Variants in EIPR1 observed in about 807,000 individuals in gnomAD.
The protein encoded by EIPR1 is EARP complex and GARP complex interacting protein 1.
In EIPR1, 25 loss-of-function variants were observed where a neutral mutation model predicts 48.1. The ratio of observed to expected loss-of-function variants is 0.52; its 90% CI spans 0.38 to 0.73. EIPR1 has a LOEUF of 0.73. Among genes scored for constraint, EIPR1 ranks in the 30% least tolerant of loss-of-function variants. The pLI, the probability that EIPR1 is intolerant of heterozygous loss-of-function variation, is 0.00. For missense variants in EIPR1, 415 were observed against 506.2 expected, an observed-to-expected ratio of 0.82 and a Z score of 1.73; for synonymous variants, 204 against 201.9, an observed-to-expected ratio of 1.01 and a Z score of -0.09.
rs962609957 is a variant in EIPR1, at chr2:3,372,784, C to T, written c.42+4864G>A. On this transcript the variant is annotated intron_variant, in intron 1 of 8. Coordinates refer to ENST00000382125, the MANE Select transcript of EIPR1 (RefSeq NM_003310.5). ...GTCCAGGACCAGATGGATTCACAGCCGAATTCTACCAGAGGTATAAGGAGG... is the reference window on the plus strand; with the variant it reads ...GTCCAGGACCAGATGGATTCACAGCTGAATTCTACCAGAGGTATAAGGAGG... Among the ~76,000 whole-genome samples, 112 of 152,246 alleles carry T rather than the reference C, an allele frequency of 7.4e-4. 1 individual carries two copies. Among genetic ancestry groups the T allele is most frequent in the African/African-American group, 2.3e-3 (97 of 41,532 alleles).
intron 1 of EIPR1, among the ~76,000 whole-genome samples, chr2:3,361,720 G>A (rs201403599): frequency 3.3e-5 from 5 of 150,084 alleles, no homozygotes; most frequent in African/African-American, 7.3e-5. Flanking sequence ...TCCCTCACAC[G>A]GGCACCTCCA....
At chr2:3,212,520 T>C (rs1243559526) in intron 5 of EIPR1, among the ~76,000 whole-genome samples, 1 of 152,198 alleles carries the variant, frequency 6.6e-6, no homozygotes, top group Non-Finnish European at 1.5e-5. Context: ...AAGCCTACCG[T>C]GAGCCTGGCA....
intron 3 of EIPR1, among the ~76,000 whole-genome samples, chr2:3,314,116 C>T (rs1007227457): frequency 1.3e-5 from 2 of 152,212 alleles, no homozygotes; most frequent in African/African-American, 2.4e-5. Flanking sequence ...TGGGGCGCCG[C>T]GCTGGCAGCT....
At chr2:3,371,285 G>A (rs186763766) in intron 1 of EIPR1, among the ~76,000 whole-genome samples, 74 of 152,286 alleles carry the variant, frequency 4.9e-4, no homozygotes, top group Non-Finnish European at 8.8e-4. Flanking sequence ...GCAAACTCAT[G>A]CCAAAATGTA....
intron 1 of EIPR1, among the ~76,000 whole-genome samples, chr2:3,355,953 C>CT (rs1670715146): frequency 6.6e-6 from 1 of 152,174 alleles, no homozygotes; most frequent in Admixed American, 6.5e-5. Context: ...AACAGGGTCC[C>CT]TGGGAAGCAA....
At chr2:3,340,539 T>C (rs565045114) in intron 2 of EIPR1, among the ~76,000 whole-genome samples, 1 of 152,380 alleles carries the variant, frequency 6.6e-6, no homozygotes, top group South Asian at 2.1e-4. Context: ...CTTTTTCCTT[T>C]CCACACCCAA....
At chr2:3,280,232 C>G (rs1558269726) in intron 3 of EIPR1, among the ~76,000 whole-genome samples, 1 of 152,222 alleles carries the variant, frequency 6.6e-6, no homozygotes, top group Admixed American at 6.5e-5. Flanking sequence ...AGTCCGGAGC[C>G]TCACAGGTTG....
At chr2:3,288,394 G>T (rs746483871) in intron 3 of EIPR1, among the ~76,000 whole-genome samples, 2 of 152,226 alleles carry the variant, frequency 1.3e-5, no homozygotes, top group African/African-American at 4.8e-5. Flanking sequence ...GAACAAGGAG[G>T]TGATGTGAAA....
At position 3,193,991 on chromosome 2, in the gene EIPR1, G is replaced by A. The variant is rs1413418287; in HGVS notation, c.821+8C>T. On this transcript the variant is annotated splice_region_variant and intron_variant, in intron 7 of 8. Transcript: ENST00000382125. ...CCTCCTCCCTGAAGCAGCCAGGAGC[G>A]GCCCTACCAGTGGGAGTGCTCCTCC... The A allele has an allele frequency of 1.2e-5, 20 of 1,613,040 alleles. No homozygotes were observed. Among genetic ancestry groups the A allele is most frequent in the South Asian group, 4.4e-5 (4 of 91,070 alleles).
intron 2 of EIPR1, among the ~76,000 whole-genome samples, chr2:3,347,791 A>C (rs1334924274): frequency 6.6e-6 from 1 of 152,250 alleles, no homozygotes; most frequent in Non-Finnish European, 1.5e-5. Flanking sequence ...GTTCACACTG[A>C]AGACAGTAAG....
At position 3,225,886 on chromosome 2, in the gene EIPR1, G is replaced by A. The variant is rs539527490; in HGVS notation, c.417-11638C>T. ...TTTCAGACTCCACAGGTGAGATCGC[G>A]CAGTATTTGTCTTTCTCTGTCTCAT... On this transcript the variant is annotated intron_variant, in intron 4 of 8. Coordinates refer to ENST00000382125, the MANE Select transcript of EIPR1 (RefSeq NM_003310.5). Among the ~76,000 whole-genome samples, 56 of 152,272 alleles carry A rather than the reference G, an allele frequency of 3.7e-4. 1 individual carries two copies. Among genetic ancestry groups the A allele is most frequent in the Middle Eastern group, 3.4e-3 (1 of 294 alleles).
intron 4 of EIPR1, among the ~76,000 whole-genome samples, chr2:3,254,745 A>C (rs963153268): frequency 1.3e-5 from 2 of 152,270 alleles, no homozygotes; most frequent in Admixed American, 6.5e-5. Flanking sequence ...ATAACATAGC[A>C]CAAGGGACCC....
At chr2:3,308,491 CAG>C (rs1293853182) in intron 3 of EIPR1, among the ~76,000 whole-genome samples, 4 of 151,518 alleles carry the variant, frequency 2.6e-5, no homozygotes, top group African/African-American at 4.9e-5. Flanking sequence ...AACACCAGAC[CAG>C]AGAGAAAATA....
At chr2:3,356,883 G>C (rs554039440) in intron 1 of EIPR1, among the ~76,000 whole-genome samples, 1 of 152,324 alleles carries the variant, frequency 6.6e-6, no homozygotes, top group South Asian at 2.1e-4. Flanking sequence ...CCCCACCCAA[G>C]TAACAAAAGG....
rs535094596 is a variant in EIPR1, at chr2:3,283,566, T to G, written c.260-26111A>C. ...CCGGCACACTGGCCAAAACTCGCCA[T>G]GCCTTCCCCCAGCTGCAAAGGACGC... On this transcript the variant is annotated intron_variant, in intron 3 of 8. Transcript: ENST00000382125. Among the ~76,000 whole-genome samples, 11 of 152,310 alleles carry G rather than the reference T, an allele frequency of 7.2e-5. No individual in the cohort carries two copies. In the South Asian group the frequency reaches 2.3e-3, roughly 32 times the overall value.
In EIPR1 at chr2:3,273,530, C is replaced by CA. The variant is rs11287109; in HGVS notation, c.260-16076dup. On this transcript the variant is annotated intron_variant, in intron 3 of 8. Transcript: ENST00000382125. Reference sequence around the variant, plus strand: ...TGCATAGAAAAATGTCACACACACGCAAAAAAAAACCCACTTGTTTATCTC... The same window carrying CA: ...TGCATAGAAAAATGTCACACACACGCAAAAAAAAAACCCACTTGTTTATCTC... Among the ~76,000 whole-genome samples the CA allele has an allele frequency of 9.2e-4, 139 of 151,566 alleles. 1 individual carries two copies. The highest frequency in any genetic ancestry group is 4.6e-4 in the Non-Finnish European group (31 of 67,850).
chr2:3,363,698 T>C (rs1046599597), intron 1 of EIPR1, among the ~76,000 whole-genome samples: 1 of 147,872 alleles, frequency 6.8e-6, no homozygotes, highest in Non-Finnish European at 1.5e-5. Flanking sequence ...AACATAAATA[T>C]ATAAGAAAAG....
At chr2:3,194,409 C>T (rs1016743922) in intron 6 of EIPR1, 4 of 339,184 alleles carry the variant, frequency 1.2e-5, no homozygotes, top group East Asian at 9.5e-5. Flanking sequence ...CTGGGCGAGC[C>T]GTGGAAGGAA....
At chr2:3,269,280 TGG>T (rs1398493269) in intron 3 of EIPR1, among the ~76,000 whole-genome samples, 33,446 of 136,714 alleles carry the variant, frequency 0.24, 8,972 homozygotes, top group Admixed American at 0.34. Context: ...CACTCAGTCA[TGG>T]CACTCAGTCA....
Sources: gnomAD v4.1 joint callset for allele counts (sites outside exome capture counted in the v4.1 genomes callset) on GRCh38, gnomAD v4.1.1 for gene constraint, MANE v1.5 for transcripts, NCBI Gene and HGNC (gene_info 2026-07-23, HGNC 2026-07-21) for gene names.